Variants in ZBTB40 observed in about 807,000 individuals in gnomAD.
ZBTB40 encodes the protein zinc finger and BTB domain-containing protein 40.
Under a neutral mutation model 117.5 loss-of-function variants are expected in ZBTB40, and 60 were observed. That is an observed-to-expected ratio of 0.51 (90% CI 0.41 to 0.63). The LOEUF (loss-of-function observed/expected upper bound fraction) is 0.63, where lower values mean the gene tolerates loss of function less well. Among genes scored for constraint, ZBTB40 ranks in the 30% least tolerant of loss-of-function variants. The probability of loss-of-function intolerance (pLI) is 0.00; values close to 1 mark genes in which losing one functional copy is unlikely to be tolerated. For missense variants in ZBTB40, 1,287 were observed against 1,498.5 expected, an observed-to-expected ratio of 0.86 and a Z score of 2.33; for synonymous variants, 525 against 577.1, an observed-to-expected ratio of 0.91 and a Z score of 1.29.
chr1:22,502,442 GT>G lies in ZBTB40; in HGVS notation c.1167+2del. On this transcript the variant is annotated splice_donor_variant, in intron 5 of 17. Transcript: ENST00000375647. LOFTEE classifies it high-confidence loss of function. ...ATTCCTGACTGGCACTGAAAAAAGG[GT>G]AACTGTGTCAAGTGTCTCCTCCCTC... 1 of 1,613,994 alleles carries G rather than the reference GT, an allele frequency of 6.2e-7. No homozygotes were observed. The highest frequency in any genetic ancestry group is 8.5e-7 in the Non-Finnish European group (1 of 1,179,930).
intron 13 of ZBTB40, 34 bp from the exon 14 acceptor site, chr1:22,520,027 A>ACCTCTT (rs1223733513): frequency 5.6e-6 from 9 of 1,601,010 alleles, no homozygotes; most frequent in African/African-American, 2.7e-5. Flanking sequence ...TTTCCTCTCC[A>ACCTCTT]CCTCTTCCTC....
intron 6 of ZBTB40, 96 bp downstream of exon 6, chr1:22,506,337 T>G (rs1415171436): frequency 6.1e-5 from 76 of 1,246,224 alleles, no homozygotes; most frequent in Non-Finnish European, 8.6e-5. Flanking sequence ...GAGATAAGAT[T>G]ATGTTAAGAA....
intron 3 of ZBTB40, among the ~76,000 whole-genome samples, chr1:22,496,169 T>G (rs1638769227): frequency 6.6e-6 from 1 of 152,178 alleles, no homozygotes; most frequent in African/African-American, 2.4e-5. Context: ...GAAAATTGTT[T>G]TTATTTAGCT....
intron 13 of ZBTB40, among the ~76,000 whole-genome samples, chr1:22,518,262 G>A (rs537333162): frequency 1.1e-4 from 17 of 152,066 alleles, no homozygotes; most frequent in Non-Finnish European, 2.4e-4. Context: ...TGACCCTGAC[G>A]CTTACTTTTC....
chr1:22,505,613 A>G (rs953991351), intron 5 of ZBTB40, among the ~76,000 whole-genome samples: 5 of 152,242 alleles, frequency 3.3e-5, no homozygotes, highest in Non-Finnish European at 7.3e-5. Context: ...ATTATAACCT[A>G]TGCTAATATT....
chr1:22,509,176 G>T lies in ZBTB40; in HGVS notation c.1776G>T (p.Lys592Asn), dbSNP rs749896149. The change falls in exon 9 of 18, where the codon AAG becomes AAT. Residue 592 changes from lysine to asparagine, a missense_variant. Coordinates refer to ENST00000375647, the MANE Select transcript of ZBTB40 (RefSeq NM_014870.4). ...NQLILEAIQQKIEYKLFTSEE... is the reference protein window; with the variant it reads ...NQLILEAIQQNIEYKLFTSEE... ...TGATCTTGGAGGCCATCCAACAGAA[G>T]ATTGAGTACAAGCTCTTTACCTCGG... The T allele has an allele frequency of 2.5e-6, 4 of 1,614,030 alleles. No homozygotes were observed. The highest frequency in any genetic ancestry group is 3.4e-6 in the Non-Finnish European group (4 of 1,180,036).
At chr1:22,477,605 C>T (rs1265499198) in intron 1 of ZBTB40, among the ~76,000 whole-genome samples, 1 of 149,664 alleles carries the variant, frequency 6.7e-6, no homozygotes, top group Non-Finnish European at 1.5e-5. Flanking sequence ...GCTGAGATCG[C>T]GCCACTGCAC....
chr1:22,454,843 G>T (rs1411787220), intron 1 of ZBTB40, among the ~76,000 whole-genome samples: 4 of 152,338 alleles, frequency 2.6e-5, no homozygotes, highest in East Asian at 1.9e-4. Flanking sequence ...TTTTCTTTTT[G>T]TTGTTGTTAC....
At chr1:22,496,777 G>T (rs908630073) in intron 3 of ZBTB40, among the ~76,000 whole-genome samples, 1 of 152,152 alleles carries the variant, frequency 6.6e-6, no homozygotes, top group Admixed American at 6.5e-5. Flanking sequence ...TGACAGAAAT[G>T]GCAGCAGCTG....
intron 3 of ZBTB40, among the ~76,000 whole-genome samples, chr1:22,501,207 A>G (rs1270796733): frequency 1.3e-5 from 2 of 152,352 alleles, no homozygotes; most frequent in East Asian, 3.9e-4. Context: ...AAAGCAGTGA[A>G]GAGGAGGTAG....
chr1:22,433,117 A>G (rs1640619007), intron 1 of ZBTB40, among the ~76,000 whole-genome samples: 1 of 152,076 alleles, frequency 6.6e-6, no homozygotes, highest in African/African-American at 2.4e-5. Context: ...AAAAAATACA[A>G]AAGAACAACA....
chr1:22,501,344 T>A, intron 3 of ZBTB40, 148 bp from the exon 4 acceptor site: 1 of 820,940 alleles, frequency 1.2e-6, no homozygotes, highest in Non-Finnish European at 2.0e-6. Flanking sequence ...TTGTTGGAAC[T>A]GCTGCTGGGG....
In ZBTB40 at chr1:22,530,452, G is replaced by A. The variant is rs1006362194; in HGVS notation, c.*4056G>A. 3 of 152,284 alleles carry A rather than the reference G, an allele frequency of 2.0e-5. No homozygotes were observed. The highest frequency in any genetic ancestry group is 7.2e-5 in the African/African-American group (3 of 41,426). 9.4% of individuals were successfully genotyped at this position (152,284 alleles called of 1,614,324 possible). ...TACGACTCGGCCTATAAGGAAGAGA[G>A]AAGCTGTCTGTACTTTGGGGACTAC... On this transcript the variant is annotated 3_prime_UTR_variant, in exon 18 of 18. Transcript: ENST00000375647.
chr1:22,515,191 G>A (rs570378508), intron 12 of ZBTB40, among the ~76,000 whole-genome samples: 13 of 152,110 alleles, frequency 8.5e-5, no homozygotes, highest in East Asian at 3.9e-4. Context: ...CTGCCTCCCC[G>A]GTGGAAACGA....
In ZBTB40 at chr1:22,526,457, G is replaced by A. The variant is rs1639682439; in HGVS notation, c.*61G>A. ...CAGCAGAGAGGAGGCCCCACAGCTT[G>A]CCCTTTGCCCTCCATCCCTGGCTGT... is the stretch of plus-strand genomic sequence containing the variant. On this transcript the variant is annotated 3_prime_UTR_variant, in exon 18 of 18. Transcript: ENST00000375647. 1 of 1,604,992 alleles carries A rather than the reference G, an allele frequency of 6.2e-7. No individual in the cohort carries two copies. The highest frequency in any genetic ancestry group is 1.3e-5 in the African/African-American group (1 of 74,780).
In ZBTB40 at chr1:22,501,634, C is replaced by CA; in HGVS notation, c.975dup (p.Ala326SerfsTer62). The CA allele has an allele frequency of 6.2e-7, 1 of 1,614,102 alleles. No individual in the cohort carries two copies. The highest frequency in any genetic ancestry group is 8.5e-7 in the Non-Finnish European group (1 of 1,180,004). On this transcript the variant is annotated frameshift_variant, in exon 4 of 18. Coordinates refer to ENST00000375647, the MANE Select transcript of ZBTB40 (RefSeq NM_014870.4). LOFTEE classifies it high-confidence loss of function. ...CAATATTCTAATCCTGCAGTAAAAA[C>CA]AGCACTATTAGACAGGAAGCCAGAA...
chr1:22,458,664 A>G (rs1372659791), intron 1 of ZBTB40, among the ~76,000 whole-genome samples: 2 of 152,228 alleles, frequency 1.3e-5, no homozygotes, highest in African/African-American at 4.8e-5. Context: ...TCTTCTGTGT[A>G]GTTGTATCAC....
In ZBTB40 at chr1:22,489,870, G is replaced by A. The variant is rs1638572816; in HGVS notation, c.-69-10G>A. On this transcript the variant is annotated splice_polypyrimidine_tract_variant and intron_variant, in intron 1 of 17. Coordinates refer to ENST00000375647, the MANE Select transcript of ZBTB40 (RefSeq NM_014870.4). Reference sequence around the variant, plus strand: ...GAAGTTTTAACCTGGTATTTTGTGGGTTTCTCTAGGGCCTGTCCTCCCAAA... The same window carrying A: ...GAAGTTTTAACCTGGTATTTTGTGGATTTCTCTAGGGCCTGTCCTCCCAAA... 10 of 1,414,216 alleles carry A rather than the reference G, an allele frequency of 7.1e-6. No homozygotes were observed. Among genetic ancestry groups the A allele is most frequent in the Non-Finnish European group, 9.9e-6 (10 of 1,012,372 alleles). 87.6% of individuals were successfully genotyped at this position (1,414,216 alleles called of 1,614,324 possible).
At chr1:22,494,747 G>A (rs1005847832) in intron 3 of ZBTB40, among the ~76,000 whole-genome samples, 4 of 152,190 alleles carry the variant, frequency 2.6e-5, no homozygotes, top group African/African-American at 9.7e-5. Flanking sequence ...GTGCCAGACT[G>A]AGCCGCTTGC....
Sources: gnomAD v4.1 joint callset for allele counts (sites outside exome capture counted in the v4.1 genomes callset) on GRCh38, gnomAD v4.1.1 for gene constraint, MANE v1.5 for transcripts, NCBI Gene and HGNC (gene_info 2026-07-23, HGNC 2026-07-21) for gene names.